Variants in FAM135A observed in about 807,000 individuals in gnomAD.
FAM135A encodes protein FAM135A.
Under a neutral mutation model 146.8 loss-of-function variants are expected in FAM135A, and 79 were observed. The observed-to-expected ratio is 0.54, with a 90% CI of 0.45 to 0.65. The LOEUF (loss-of-function observed/expected upper bound fraction) is 0.65, where lower values mean the gene tolerates loss of function less well. FAM135A is among the 30% of genes least tolerant of loss of function. The pLI, the probability that FAM135A is intolerant of heterozygous loss-of-function variation, is 0.00. For synonymous variants in FAM135A, 562 were observed against 603.6 expected (o/e 0.93, Z 1.01); for missense variants, 1,623 against 1,758.2 (o/e 0.92, Z 1.38).
At position 70,524,872 on chromosome 6, in the gene FAM135A, C is replaced by G; in HGVS notation, c.1788C>G (p.Asp596Glu). ...CAGATATTGAAAATGTTCAACCAGA[C>G]CAGTTTGATCCTTTGAACTCTGGCA... ...KSPDIENVQP[D>E]QFDPLNSGNL... Residue 596 changes from aspartate to glutamate, a missense_variant, in exon 15 of 22, where the codon GAC becomes GAG. Asp to Glu is a conservative substitution (Grantham distance 45, BLOSUM62 2). Around this residue, in one of 7 missense-constraint regions of FAM135A, gnomAD observed 1,061 missense variants for 1,113.8 expected, o/e 0.95. Transcript: ENST00000418814. The G allele has an allele frequency of 6.2e-7, 1 of 1,610,734 alleles. No individual in the cohort carries two copies. Among genetic ancestry groups the G allele is most frequent in the Non-Finnish European group, 8.5e-7 (1 of 1,178,326 alleles).
chr6:70,496,345 A>G (rs1308733271), intron 11 of FAM135A, among the ~76,000 whole-genome samples: 2 of 151,836 alleles, frequency 1.3e-5, no homozygotes, highest in African/African-American at 2.4e-5. Context: ...TCCACTTTTC[A>G]ATGGGGTTGT....
At chr6:70,487,702 AG>A (rs2128206433) in intron 10 of FAM135A, among the ~76,000 whole-genome samples, 1 of 152,298 alleles carries the variant, frequency 6.6e-6, no homozygotes, top group East Asian at 1.9e-4. Flanking sequence ...AAGAATTCAT[AG>A]TATGAAACTG....
intron 20 of FAM135A, among the ~76,000 whole-genome samples, chr6:70,555,853 T>C (rs572894767): frequency 2.6e-5 from 4 of 152,282 alleles, no homozygotes; most frequent in African/African-American, 9.6e-5. Context: ...ATTCAAAATG[T>C]CACCTCCCCC....
At chr6:70,431,235 AT>A (rs1771515061) in intron 4 of FAM135A, among the ~76,000 whole-genome samples, 1 of 152,198 alleles carries the variant, frequency 6.6e-6, no homozygotes, top group African/African-American at 2.4e-5. Flanking sequence ...ACTCAATGGC[AT>A]TATGGCAATA....
chr6:70,481,163 T>A, intron 9 of FAM135A, 136 bp downstream of exon 9: 1 of 825,712 alleles, frequency 1.2e-6, no homozygotes, highest in Non-Finnish European at 1.7e-6. Context: ...AATATGATCT[T>A]AAAAATTGTT....
intron 9 of FAM135A, 139 bp from the exon 10 acceptor site, chr6:70,481,862 A>C: frequency 1.2e-6 from 1 of 821,984 alleles, no homozygotes; most frequent in Non-Finnish European, 1.8e-6. Context: ...ACAACTCTCA[A>C]ATATTACCAC....
rs1477635271 is a variant in FAM135A at position 70,538,288 on chromosome 6, T to C, written c.4118-3T>C. 1 of 1,475,620 alleles carries C rather than the reference T, an allele frequency of 6.8e-7. No homozygotes were observed. Among genetic ancestry groups the C allele is most frequent in the South Asian group, 1.5e-5 (1 of 66,910 alleles). The allele number at this position is 1,475,620 out of a possible 1,614,324, so 91.4% of individuals were successfully genotyped here. A position where few individuals can be genotyped will look rare whatever the true frequency, so the allele number is the denominator to read the frequency against. On this transcript the variant is annotated splice_region_variant and splice_polypyrimidine_tract_variant and intron_variant, in intron 19 of 21. Transcript: ENST00000418814. ...TACTTCTATATCATATATGACTCTCTAGGTCTCTGGTTTATGCAGAAATGG... is the reference window on the plus strand; with the variant it reads ...TACTTCTATATCATATATGACTCTCCAGGTCTCTGGTTTATGCAGAAATGG...
chr6:70,509,173 C>T (rs766954409), intron 12 of FAM135A, among the ~76,000 whole-genome samples: 10 of 152,138 alleles, frequency 6.6e-5, no homozygotes, highest in Non-Finnish European at 2.9e-5. Context: ...GTGGCTCACA[C>T]TTGTAATCCC....
At chr6:70,454,054 T>C (rs1248550251) in intron 5 of FAM135A, among the ~76,000 whole-genome samples, 1 of 152,218 alleles carries the variant, frequency 6.6e-6, no homozygotes, top group African/African-American at 2.4e-5. Context: ...TTCCTGTTTC[T>C]CCACATCCTC....
rs78656951 is a variant in FAM135A at position 70,422,677 on chromosome 6, C to T, written c.-133-3762C>T. On this transcript the variant is annotated intron_variant, in intron 2 of 21. Coordinates refer to ENST00000418814, the MANE Select transcript of FAM135A (RefSeq NM_001162529.3). ...CACCAAAATTTGTTCATGCATATTT[C>T]TGCTTTCAGTATATCAGTGTAATAA... Among the ~76,000 whole-genome samples the T allele has an allele frequency of 1.4e-3, 216 of 152,296 alleles. No individual in the cohort carries two copies. The East Asian group carries it at 0.032, about 22-fold the overall frequency.
In FAM135A at chr6:70,481,028, G is replaced by A. The variant is rs1783603871; in HGVS notation, c.669+1G>A. 1.3e-6 allele frequency: 2 copies of A among 1,585,654 alleles called. No homozygotes were observed. Among genetic ancestry groups the A allele is most frequent in the Non-Finnish European group, 1.7e-6 (2 of 1,168,964 alleles). On this transcript the variant is annotated splice_donor_variant, in intron 9 of 21. Coordinates refer to ENST00000418814, the MANE Select transcript of FAM135A (RefSeq NM_001162529.3). LOFTEE classifies it high-confidence loss of function. ...CTACACAAAACAGTTATCACCAGAT[G>A]TAAGAACTGAATATGTTTATAAATC...
At chr6:70,543,059 T>C (rs1363133540) in intron 20 of FAM135A, among the ~76,000 whole-genome samples, 3 of 152,206 alleles carry the variant, frequency 2.0e-5, no homozygotes, top group Admixed American at 6.5e-5. Flanking sequence ...CACATACATA[T>C]TCAGTATGTA....
intron 20 of FAM135A, among the ~76,000 whole-genome samples, chr6:70,544,539 A>C (rs1477321214): frequency 6.6e-6 from 1 of 151,832 alleles, no homozygotes; most frequent in Admixed American, 6.6e-5. Flanking sequence ...AAAAAAAAGA[A>C]GACCAGCCTG....
chr6:70,481,128 G>A lies in FAM135A; in HGVS notation c.669+101G>A, dbSNP rs1213227028. 1.1e-5 allele frequency: 12 copies of A among 1,118,498 alleles called. No homozygotes were observed. In the Admixed American group the frequency reaches 2.3e-4, roughly 21 times the overall value. The allele number at this position is 1,118,498 out of a possible 1,614,324, so 69.3% of individuals were successfully genotyped here. A position where few individuals can be genotyped will look rare whatever the true frequency, so the allele number is the denominator to read the frequency against. ...TATATTTCTTTTTTAAATTATTTCA[G>A]CTCAGCAACTTATAGATCTAATTAA... On this transcript the variant is annotated intron_variant, in intron 9 of 21. Transcript: ENST00000418814.
intron 5 of FAM135A, among the ~76,000 whole-genome samples, chr6:70,459,497 T>C (rs577569747): frequency 1.3e-5 from 2 of 152,240 alleles, no homozygotes; most frequent in South Asian, 4.1e-4. Context: ...TGTTGAAAAT[T>C]GATTGGTAAG....
At position 70,413,698 on chromosome 6, in the gene FAM135A, G is replaced by T; in HGVS notation, c.-224G>T. On this transcript the variant is annotated 5_prime_UTR_variant, in exon 1 of 22. An upstream open reading frame in the 5' UTR gains an earlier in-frame stop. Coordinates refer to ENST00000418814, the MANE Select transcript of FAM135A (RefSeq NM_001162529.3). ...GGCGGGGGAAGAGGCCGAGCCGGGC[G>T]AGAGGTAACCCCCTTACTGTCCCCT... 2 of 585,968 alleles carry T rather than the reference G, an allele frequency of 3.4e-6. No homozygotes were observed. The highest frequency in any genetic ancestry group is 4.3e-6 in the Non-Finnish European group (2 of 464,200). 36.3% of individuals were successfully genotyped at this position (585,968 alleles called of 1,614,324 possible).
chr6:70,528,489 A>T, intron 16 of FAM135A, 37 bp downstream of exon 16: 1 of 1,426,842 alleles, frequency 7.0e-7, no homozygotes. Context: ...AGAGCAACTC[A>T]ATATATTTTT....
At chr6:70,431,105 A>T (rs1771480412) in intron 4 of FAM135A, among the ~76,000 whole-genome samples, 1 of 152,072 alleles carries the variant, frequency 6.6e-6, no homozygotes, top group Admixed American at 6.6e-5. Flanking sequence ...TGTAACTGTT[A>T]GTTTGGCCCC....
chr6:70,487,657 G>A (rs923238598), intron 10 of FAM135A, among the ~76,000 whole-genome samples: 7 of 152,046 alleles, frequency 4.6e-5, no homozygotes, highest in Non-Finnish European at 8.8e-5. Flanking sequence ...CTGGAACATA[G>A]TATTATATTC....
Sources: allele counts gnomAD v4.1 joint callset (sites outside exome capture counted in the v4.1 genomes callset), GRCh38; gene constraint gnomAD v4.1.1; regional missense constraint gnomAD v4.1.1; transcripts MANE v1.5; gene names NCBI Gene and HGNC (gene_info 2026-07-23, HGNC 2026-07-21).